The following RERG variants were observed in gnomAD, a reference collection of about 807,000 sequenced individuals.
RERG encodes ras-related and estrogen-regulated growth inhibitor.
RERG carries 25 observed loss-of-function variants against 23.2 expected under a neutral mutation model. The ratio of observed to expected loss-of-function variants is 1.08; its 90% confidence interval spans 0.79 to 1.50. RERG has a LOEUF of 1.50. Among genes scored for constraint, RERG ranks in the 40% most tolerant of loss-of-function variants. The probability of loss-of-function intolerance (pLI) is 0.00; values close to 1 mark genes in which losing one functional copy is unlikely to be tolerated. For synonymous variants in RERG, 81 were observed against 89.1 expected (o/e 0.91, Z 0.51); for missense variants, 253 against 250.1 (o/e 1.01, Z -0.08).
rs1261717176 is a variant in RERG at position 15,123,217 on chromosome 12, T to A, written c.62-2098A>T. ...TTACAGTTCTTCAATTCCAAAACCA[T>A]TTAAATTTGAATCATTTCTCAAAAT... On this transcript the variant is annotated intron_variant, in intron 2 of 4. Transcript: ENST00000256953. Among the ~76,000 whole-genome samples, 5 of 152,186 alleles carry A rather than the reference T, an allele frequency of 3.3e-5. No homozygotes were observed. In the East Asian group the frequency reaches 9.6e-4, roughly 29 times the overall value.
intron 2 of RERG, among the ~76,000 whole-genome samples, chr12:15,126,422 T>C (rs1221407330): frequency 6.6e-6 from 1 of 151,920 alleles, no homozygotes; most frequent in African/African-American, 2.4e-5. Context: ...ACAATGTAAT[T>C]ATCCTCATGA....
chr12:15,175,569 T>C (rs1864839906), intron 2 of RERG, among the ~76,000 whole-genome samples: 1 of 152,080 alleles, frequency 6.6e-6, no homozygotes, highest in African/African-American at 2.4e-5. Context: ...AGGAATATCT[T>C]AGAGCTCTTG....
chr12:15,211,835 T>A (rs1865370060), intron 2 of RERG, among the ~76,000 whole-genome samples: 1 of 151,996 alleles, frequency 6.6e-6, no homozygotes, highest in Non-Finnish European at 1.5e-5. Context: ...AACAAAATCC[T>A]TGAGTGATGG....
chr12:15,184,318 A>G (rs1864961991), intron 2 of RERG, among the ~76,000 whole-genome samples: 2 of 152,212 alleles, frequency 1.3e-5, no homozygotes, highest in African/African-American at 4.8e-5. Flanking sequence ...CCTAGTTTAA[A>G]CAAGAGGGAA....
intron 2 of RERG, among the ~76,000 whole-genome samples, chr12:15,182,975 A>G (rs951991743): frequency 6.6e-6 from 1 of 151,834 alleles, no homozygotes; most frequent in East Asian, 1.9e-4. Context: ...CAGCTCCTGA[A>G]AGGCTAAAAG....
chr12:15,211,784 A>T (rs926264663), intron 2 of RERG, among the ~76,000 whole-genome samples: 9 of 152,160 alleles, frequency 5.9e-5, no homozygotes, highest in Admixed American at 2.0e-4. Flanking sequence ...ATCAAATTAT[A>T]CTCTATAAAC....
Position 15,111,679 on chromosome 12 carries a change from T to C in RERG, c.119-262A>G, listed in dbSNP as rs144265657. On this transcript the variant is annotated intron_variant, in intron 3 of 4. Transcript: ENST00000256953. ...ATCTCTTTGCATCTTTGCTACCCTATACTTTCCTTTTTTTTTTTTTTTTTG... is the reference window on the plus strand; with the variant it reads ...ATCTCTTTGCATCTTTGCTACCCTACACTTTCCTTTTTTTTTTTTTTTTTG... 1.9e-3 allele frequency among the ~76,000 whole-genome samples: 270 copies of C among 138,942 alleles called. 1 individual carries two copies. The highest frequency in any genetic ancestry group is 7.0e-3 in the African/African-American group (251 of 36,108). 91.2% of individuals were successfully genotyped at this position (138,942 alleles called of 152,430 possible).
intron 2 of RERG, among the ~76,000 whole-genome samples, chr12:15,212,084 G>A (rs1346074798): frequency 3.4e-5 from 3 of 88,476 alleles, no homozygotes; most frequent in African/African-American, 7.5e-5. Flanking sequence ...ACGGAGTCTC[G>A]CTCTGTCGCC....
At chr12:15,217,190 T>C in intron 2 of RERG, 1 of 408,802 alleles carries the variant, frequency 2.4e-6, no homozygotes, top group Non-Finnish European at 4.4e-6. Flanking sequence ...CCAAGACCTC[T>C]GATATATCCT....
chr12:15,150,444 T>A (rs1162325085), intron 2 of RERG, among the ~76,000 whole-genome samples: 1 of 152,140 alleles, frequency 6.6e-6, no homozygotes, highest in Non-Finnish European at 1.5e-5. Context: ...TTTCATTACC[T>A]GAAACAGGGA....
chr12:15,151,148 G>A (rs1269315982), intron 2 of RERG, among the ~76,000 whole-genome samples: 2 of 152,064 alleles, frequency 1.3e-5, no homozygotes, highest in Admixed American at 6.5e-5. Context: ...GTGACTATGG[G>A]TGATTTTTTT....
chr12:15,217,394 C>A lies in RERG; in HGVS notation c.61+35G>T, dbSNP rs372294667. 5.1e-5 allele frequency: 73 copies of A among 1,440,712 alleles called. No individual in the cohort carries two copies. In the African/African-American group the frequency reaches 9.5e-4, roughly 19 times the overall value. 89.2% of individuals were successfully genotyped at this position (1,440,712 alleles called of 1,614,324 possible). A position where few individuals can be genotyped will look rare whatever the true frequency, so the allele number is the denominator to read the frequency against. On this transcript the variant is annotated intron_variant, in intron 2 of 4. Coordinates refer to ENST00000256953, the MANE Select transcript of RERG (RefSeq NM_032918.3). ...TAATAAAGAAACACACTCACCCACA[C>A]ACACACACTATAACAACCACAACGA...
chr12:15,175,671 AT>A (rs1864841133), intron 2 of RERG, among the ~76,000 whole-genome samples: 1 of 152,068 alleles, frequency 6.6e-6, no homozygotes, highest in Non-Finnish European at 1.5e-5. Flanking sequence ...ATTACCACTA[AT>A]TGTTTTTGAA....
chr12:15,124,462 G>A (rs1215199321), intron 2 of RERG, among the ~76,000 whole-genome samples: 1 of 152,058 alleles, frequency 6.6e-6, no homozygotes, highest in Non-Finnish European at 1.5e-5. Context: ...ATTCAAGAGA[G>A]ATTCAGGCAA....
chr12:15,161,142 G>A (rs1591653026), intron 2 of RERG, among the ~76,000 whole-genome samples: 1 of 49,236 alleles, frequency 2.0e-5, no homozygotes. Flanking sequence ...CTCAGAAAAA[G>A]AAAGAAAGAA....
chr12:15,210,716 C>T (rs1442734985), intron 2 of RERG, among the ~76,000 whole-genome samples: 1 of 152,086 alleles, frequency 6.6e-6, no homozygotes, highest in African/African-American at 2.4e-5. Flanking sequence ...TAGGCATATA[C>T]CTGCAATTTG....
In RERG at chr12:15,140,499, G is replaced by A. The variant is rs11835226; in HGVS notation, c.62-19380C>T. On this transcript the variant is annotated intron_variant, in intron 2 of 4. Coordinates refer to ENST00000256953, the MANE Select transcript of RERG (RefSeq NM_032918.3). ...TTACGTTATTTATTCTTTCTCTATTGTTTTTTCCCTTTTTATGTAAATCTG... is the reference window on the plus strand; with the variant it reads ...TTACGTTATTTATTCTTTCTCTATTATTTTTTCCCTTTTTATGTAAATCTG... Among the ~76,000 whole-genome samples the A allele has an allele frequency of 8.7e-3, 1,304 of 149,524 alleles. 16 individuals are homozygous for A. The highest frequency in any genetic ancestry group is 0.031 in the African/African-American group (1,227 of 39,138).
chr12:15,121,022 A>C, intron 3 of RERG, 41 bp downstream of exon 3: 1 of 1,377,934 alleles, frequency 7.3e-7, no homozygotes, highest in Non-Finnish European at 1.0e-6. Flanking sequence ...TGGGGCCATA[A>C]ATTTTTATTG....
chr12:15,175,487 G>A (rs1456655972), intron 2 of RERG, among the ~76,000 whole-genome samples: 2 of 151,644 alleles, frequency 1.3e-5, no homozygotes, highest in Non-Finnish European at 2.9e-5. Flanking sequence ...AAAGACTAGA[G>A]ACTGGGGCCG....
Sources: gnomAD v4.1 joint callset for allele counts (sites outside exome capture counted in the v4.1 genomes callset) on GRCh38, gnomAD v4.1.1 for gene constraint, MANE v1.5 for transcripts, NCBI Gene and HGNC (gene_info 2026-07-23, HGNC 2026-07-21) for gene names.